Variants in MARCHF11 observed in about 807,000 individuals in gnomAD.
MARCHF11 encodes the protein E3 ubiquitin-protein ligase MARCHF11.
MARCHF11 carries 29 observed loss-of-function variants against 37.3 expected under a neutral mutation model. The observed-to-expected ratio is 0.78, with a 90% CI of 0.58 to 1.06. MARCHF11 has a LOEUF of 1.06. Among genes scored for constraint, MARCHF11 ranks in the 50% least tolerant of loss-of-function variants. The pLI is 0.00. For missense variants in MARCHF11, 482 were observed against 533.4 expected (o/e 0.90, Z 0.95); for synonymous variants, 233 against 228.0 (o/e 1.02, Z -0.20).
intron 3 of MARCHF11, among the ~76,000 whole-genome samples, chr5:16,073,696 C>T (rs1736472294): frequency 2.0e-5 from 3 of 151,808 alleles, no homozygotes; most frequent in African/African-American, 7.3e-5. Context: ...ACACATATGT[C>T]ATCACAGAAG....
At chr5:16,161,175 T>TCCCTCCC (rs1258851560) in intron 2 of MARCHF11, among the ~76,000 whole-genome samples, 1 of 102,044 alleles carries the variant, frequency 9.8e-6, no homozygotes, top group Non-Finnish European at 1.9e-5. Flanking sequence ...CCTAATGCTA[T>TCCCTCCC]CCCTCCCCCC....
At chr5:16,171,746 C>A (rs1377991181) in intron 2 of MARCHF11, among the ~76,000 whole-genome samples, 1 of 152,054 alleles carries the variant, frequency 6.6e-6, no homozygotes, top group East Asian at 1.9e-4. Flanking sequence ...AATAGTAATA[C>A]AAATGTTATC....
At chr5:16,148,887 T>C (rs1737846914) in intron 2 of MARCHF11, among the ~76,000 whole-genome samples, 1 of 152,156 alleles carries the variant, frequency 6.6e-6, no homozygotes, top group Admixed American at 6.6e-5. Flanking sequence ...ACTGAAAGTA[T>C]CTCAATAGTT....
intron 2 of MARCHF11, among the ~76,000 whole-genome samples, chr5:16,112,901 G>C (rs1737170524): frequency 6.6e-6 from 1 of 152,094 alleles, no homozygotes. Flanking sequence ...GTTTTATAAG[G>C]GGAAACCCCT....
intron 2 of MARCHF11, among the ~76,000 whole-genome samples, chr5:16,121,806 G>A (rs1181703888): frequency 6.6e-6 from 1 of 152,134 alleles, no homozygotes. Flanking sequence ...CCTGAAGCAG[G>A]CAGACTGTAT....
At chr5:16,167,573 C>G (rs1738192129) in intron 2 of MARCHF11, among the ~76,000 whole-genome samples, 1 of 152,072 alleles carries the variant, frequency 6.6e-6, no homozygotes, top group Admixed American at 6.6e-5. Flanking sequence ...TCTACCAACT[C>G]CAGTGTTCAT....
intron 2 of MARCHF11, among the ~76,000 whole-genome samples, chr5:16,149,837 G>T (rs62350174): frequency 0.038 from 5,818 of 152,100 alleles, 157 homozygotes; most frequent in South Asian, 0.063. Context: ...CCATACAATG[G>T]AATACTACAC....
intron 2 of MARCHF11, chr5:16,141,421 G>A (rs1246732735): frequency 6.6e-6 from 1 of 152,150 alleles, no homozygotes; most frequent in Non-Finnish European, 1.5e-5. Flanking sequence ...CAAAGTTTCA[G>A]GCACTGAGGA....
chr5:16,161,342 C>G (rs1738073274), intron 2 of MARCHF11, among the ~76,000 whole-genome samples: 1 of 151,834 alleles, frequency 6.6e-6, no homozygotes, highest in Admixed American at 6.6e-5. Context: ...TGTTCATAAA[C>G]AGCACATCTT....
chr5:16,080,352 C>T (rs1406120110), intron 3 of MARCHF11, among the ~76,000 whole-genome samples: 1 of 152,162 alleles, frequency 6.6e-6, no homozygotes, highest in Admixed American at 6.5e-5. Context: ...TCCTCTCCCT[C>T]CCCTTCCTGT....
intron 2 of MARCHF11, among the ~76,000 whole-genome samples, chr5:16,142,316 G>A (rs1737720595): frequency 6.6e-6 from 1 of 152,136 alleles, no homozygotes; most frequent in Non-Finnish European, 1.5e-5. Context: ...TAGGACCTAT[G>A]TCCTCACCTC....
intron 2 of MARCHF11, among the ~76,000 whole-genome samples, chr5:16,139,289 T>C (rs1737664341): frequency 6.6e-6 from 1 of 152,200 alleles, no homozygotes; most frequent in Non-Finnish European, 1.5e-5. Flanking sequence ...GTTTTATAAA[T>C]GGGAGTTCCC....
Position 16,067,655 on chromosome 5 carries a change from C to T in MARCHF11, c.1025G>A (p.Arg342Lys). The change falls in exon 4 of 4, where the codon AGG (arginine) becomes AAG (lysine). Residue 342 changes from arginine to lysine, a missense_variant. By Grantham distance (26) the Arg-to-Lys change is conservative (BLOSUM62 2). Transcript: ENST00000332432. ...ESSRGESSTS[R>K]TLWLPLTALR... ...AGCTGTCAATGGCAACCACAAAGTC[C>T]TACTTGTGGAAGACTCTCCCCGGCT... is the stretch of plus-strand genomic sequence containing the variant. The T allele has an allele frequency of 6.2e-7, 1 of 1,613,932 alleles. No homozygotes were observed. The highest frequency in any genetic ancestry group is 8.5e-7 in the Non-Finnish European group (1 of 1,179,856).
chr5:16,074,173 C>T (rs183681392), intron 3 of MARCHF11, among the ~76,000 whole-genome samples: 3 of 152,224 alleles, frequency 2.0e-5, no homozygotes, highest in Admixed American at 2.0e-4. Context: ...CAATGAAATA[C>T]AGATCAAAAT....
chr5:16,128,427 TG>T (rs1418871455), intron 2 of MARCHF11, among the ~76,000 whole-genome samples: 1 of 152,164 alleles, frequency 6.6e-6, no homozygotes, highest in African/African-American at 2.4e-5. Flanking sequence ...TGCACAGCTT[TG>T]CAAGTTGCTG....
intron 3 of MARCHF11, among the ~76,000 whole-genome samples, chr5:16,069,947 A>G (rs1736405686): frequency 6.6e-6 from 1 of 152,224 alleles, no homozygotes; most frequent in Non-Finnish European, 1.5e-5. Context: ...TGTGACTTAC[A>G]AGCATTCCAA....
At chr5:16,150,226 A>G (rs1737868994) in intron 2 of MARCHF11, among the ~76,000 whole-genome samples, 1 of 149,680 alleles carries the variant, frequency 6.7e-6, no homozygotes, top group South Asian at 2.1e-4. Context: ...TAGAATTTAT[A>G]AGGGACAGCA....
chr5:16,135,580 G>A (rs1737594752), intron 2 of MARCHF11, among the ~76,000 whole-genome samples: 1 of 152,046 alleles, frequency 6.6e-6, no homozygotes, highest in Non-Finnish European at 1.5e-5. Flanking sequence ...TACCTTTTAA[G>A]AAATGAGATC....
chr5:16,131,344 T>G (rs1737510989), intron 2 of MARCHF11, among the ~76,000 whole-genome samples: 1 of 152,228 alleles, frequency 6.6e-6, no homozygotes, highest in Non-Finnish European at 1.5e-5. Flanking sequence ...TAAACTAGTT[T>G]GTTATCTGTA....
Sources: gnomAD v4.1 joint callset for allele counts (sites outside exome capture counted in the v4.1 genomes callset) on GRCh38, gnomAD v4.1.1 for gene constraint, MANE v1.5 for transcripts, NCBI Gene and HGNC (gene_info 2026-07-23, HGNC 2026-07-21) for gene names.